The following DRAXIN variants were observed in gnomAD, a reference collection of about 807,000 sequenced individuals.
DRAXIN encodes the protein dorsal repulsive axon guidance protein.
Under a neutral mutation model 33.9 loss-of-function variants are expected in DRAXIN, and 27 were observed. That is an observed-to-expected ratio of 0.80 (90% CI 0.59 to 1.10). The LOEUF is 1.10. Among genes scored for constraint, DRAXIN ranks in the 50% least tolerant of loss-of-function variants. The pLI is 0.00. For synonymous variants in DRAXIN, 178 were observed against 194.0 expected, an observed-to-expected ratio of 0.92 and a Z score of 0.69; for missense variants, 371 against 460.8, an observed-to-expected ratio of 0.81 and a Z score of 1.78.
In DRAXIN at chr1:11,693,000, G is replaced by A. The variant is rs1641106556; in HGVS notation, c.-11+1147G>A. ...ACCTGGGATGGGGTGGGGACAGGGG[G>A]CTCCACAGAAATGGATCTCAAAGTC... On this transcript the variant is annotated intron_variant, in intron 1 of 6. Transcript: ENST00000294485. The surrounding 1 kb of genome is among the most constrained non-coding windows in gnomAD (Gnocchi z 5.8). Among the ~76,000 whole-genome samples the A allele has an allele frequency of 6.6e-6, 1 of 151,824 alleles. No individual in the cohort carries two copies. The highest frequency in any genetic ancestry group is 2.1e-4 in the South Asian group (1 of 4,824).
chr1:11,686,923 A>G (rs911612506), upstream of DRAXIN, among the ~76,000 whole-genome samples: 1 of 151,986 alleles, frequency 6.6e-6, no homozygotes, highest in Non-Finnish European at 1.5e-5. Context: ...AATGTTGTAC[A>G]TCGCTACTCT....
Position 11,709,422 on chromosome 1 carries a change from C to G in DRAXIN, c.599C>G (p.Thr200Arg), listed in dbSNP as rs1557691086. The change falls in exon 3 of 7, where the codon ACA becomes AGA. Residue 200 changes from threonine (T) to arginine (R), a missense_variant. Coordinates refer to ENST00000294485, the MANE Select transcript of DRAXIN (RefSeq NM_198545.4). The part of the protein sequence containing the change: ...FLTTFEAAPA[T>R]EESLILPVTS... The stretch of plus-strand genomic sequence containing the variant: ...ACCACCTTTGAGGCAGCACCTGCCA[C>G]AGAAGAGTCCCTGATCCTGCCCGTC... The G allele has an allele frequency of 6.2e-7, 1 of 1,614,074 alleles. No individual in the cohort carries two copies.
rs1641589257 is a variant in DRAXIN at position 11,717,110 on chromosome 1, C to T, written c.937+1902C>T. On this transcript the variant is annotated intron_variant, in intron 6 of 6. Transcript: ENST00000294485. ...CCAGCCTGGCCAACATGGTGAAACC[C>T]TGTCTCTACTAAAAATACAAAAATT... 2.0e-5 allele frequency among the ~76,000 whole-genome samples: 3 copies of T among 151,610 alleles called. No individual in the cohort carries two copies. In the South Asian group the frequency reaches 6.2e-4, roughly 32 times the overall value.
Position 11,719,817 on chromosome 1 carries a change from G to C in DRAXIN, c.*121G>C. The C allele has an allele frequency of 1.1e-6, 1 of 943,264 alleles. No homozygotes were observed. Among genetic ancestry groups the C allele is most frequent in the Admixed American group, 2.1e-5 (1 of 46,770 alleles). The allele number at this position is 943,264 out of a possible 1,614,324, so 58.4% of individuals were successfully genotyped here. On this transcript the variant is annotated 3_prime_UTR_variant, in exon 7 of 7. Transcript: ENST00000294485. ...GGCTGAGGCTGCAGACTCAGGCCCA[G>C]GACACTCAACCCCAGGAGGGGAGCC...
At chr1:11,712,099 A>G in intron 4 of DRAXIN, 134 bp downstream of exon 4, 2 of 930,932 alleles carry the variant, frequency 2.1e-6, no homozygotes, top group Admixed American at 4.2e-5. Flanking sequence ...GAGGGGGAGC[A>G]TGGAGCCTAA....
chr1:11,700,108 C>T lies in DRAXIN; in HGVS notation c.-10-6141C>T, dbSNP rs373683292. 2.3e-4 allele frequency among the ~76,000 whole-genome samples: 35 copies of T among 151,124 alleles called. 1 individual carries two copies. In the South Asian group the frequency reaches 6.5e-3, roughly 28 times the overall value. Reference sequence around the variant, plus strand: ...AAAAATTAGCTGGGCGTGGTGGCAGCGCCTGTAATCCCTCAGGAGACTGAG... The same window carrying T: ...AAAAATTAGCTGGGCGTGGTGGCAGTGCCTGTAATCCCTCAGGAGACTGAG... On this transcript the variant is annotated intron_variant, in intron 1 of 6. Coordinates refer to ENST00000294485, the MANE Select transcript of DRAXIN (RefSeq NM_198545.4).
rs4846031 is a variant in DRAXIN, at chr1:11,724,929, A to G, written c.*5233A>G. ...GACGGTTGCCTTTCCTGGGAAGGGC[A>G]GTTTGCAGAACCAGGGGTTTATATT... is the stretch of plus-strand genomic sequence containing the variant. On this transcript the variant is annotated 3_prime_UTR_variant, in exon 7 of 7. Transcript: ENST00000294485. The G allele has an allele frequency of 0.96, 145,661 of 152,318 alleles. 69,904 individuals carry two copies. The highest frequency in any genetic ancestry group is 0.99 in the Non-Finnish European group (67,655 of 68,084). The allele number at this position is 152,318 out of a possible 1,614,324, so 9.4% of individuals were successfully genotyped here.
chr1:11,710,694 C>T (rs1641473327), intron 3 of DRAXIN, among the ~76,000 whole-genome samples: 1 of 147,452 alleles, frequency 6.8e-6, no homozygotes, highest in African/African-American at 2.5e-5. Context: ...GCGGGCAGAT[C>T]ACAAGGTCAG....
intron 1 of DRAXIN, among the ~76,000 whole-genome samples, chr1:11,700,799 C>T (rs1641261032): frequency 6.6e-6 from 1 of 152,176 alleles, no homozygotes; most frequent in Non-Finnish European, 1.5e-5. Flanking sequence ...CCATGGGACC[C>T]GCCTTGGCCA....
At position 11,705,855 on chromosome 1, in the gene DRAXIN, G is replaced by C. The variant is rs1641369048; in HGVS notation, c.-10-394G>C. ...AGAGGCATATTTCTGAGCTCTGAGGGACTCGGTTCCCTCTAGGGGACTTGG... is the reference window on the plus strand; with the variant it reads ...AGAGGCATATTTCTGAGCTCTGAGGCACTCGGTTCCCTCTAGGGGACTTGG... On this transcript the variant is annotated intron_variant, in intron 1 of 6. Coordinates refer to ENST00000294485, the MANE Select transcript of DRAXIN (RefSeq NM_198545.4). The surrounding 1 kb of genome is among the most constrained non-coding windows in gnomAD (Gnocchi z 4.8). 6.6e-6 allele frequency among the ~76,000 whole-genome samples: 1 copy of C among 152,190 alleles called. No homozygotes were observed. Among genetic ancestry groups the C allele is most frequent in the Non-Finnish European group, 1.5e-5 (1 of 68,030 alleles).
At chr1:11,711,087 T>A (rs1164336950) in intron 3 of DRAXIN, among the ~76,000 whole-genome samples, 1 of 151,420 alleles carries the variant, frequency 6.6e-6, no homozygotes, top group Non-Finnish European at 1.5e-5. Flanking sequence ...AGGTCAGGAG[T>A]TCGAGACCAG....
chr1:11,719,633 G>A lies in DRAXIN; in HGVS notation c.987G>A (p.Arg329=). The A allele has an allele frequency of 1.2e-6, 2 of 1,614,128 alleles. No homozygotes were observed. The highest frequency in any genetic ancestry group is 1.7e-6 in the Non-Finnish European group (2 of 1,180,014). ...KFHRNRRVTR[R]KGRCVEPETA... ...ACCGGAACCGCAGGGTTACACGGAG[G>A]AAAGGGCGCTGTGTGGAGCCCGAGA... The change falls in exon 7 of 7, where the codon AGG becomes AGA. Residue 329 remains arginine (R), a synonymous_variant. Coordinates refer to ENST00000294485, the MANE Select transcript of DRAXIN (RefSeq NM_198545.4).
chr1:11,687,805 T>C (rs1282739232), upstream of DRAXIN, among the ~76,000 whole-genome samples: 1 of 152,248 alleles, frequency 6.6e-6, no homozygotes, highest in Non-Finnish European at 1.5e-5. The surrounding 1 kb of genome is among the most constrained non-coding windows in gnomAD (Gnocchi z 4.1). Context: ...TGATACTTCA[T>C]TCCTTCGTAG....
Position 11,719,920 on chromosome 1 carries a change from C to T in DRAXIN, c.*224C>T, listed in dbSNP as rs954110347. On this transcript the variant is annotated 3_prime_UTR_variant, in exon 7 of 7. Transcript: ENST00000294485. ...CACACGAAGTCCGGACCCACGCAGCCTCCATCCCGCGTGTCTTGCTCTCCG... is the reference window on the plus strand; with the variant it reads ...CACACGAAGTCCGGACCCACGCAGCTTCCATCCCGCGTGTCTTGCTCTCCG... 8 of 527,604 alleles carry T rather than the reference C, an allele frequency of 1.5e-5. No individual in the cohort carries two copies. Among genetic ancestry groups the T allele is most frequent in the Non-Finnish European group, 2.4e-5 (7 of 288,246 alleles). 32.7% of individuals were successfully genotyped at this position (527,604 alleles called of 1,614,324 possible).
In DRAXIN at chr1:11,709,450, C is replaced by T. The variant is rs1478443918; in HGVS notation, c.627C>T (p.Thr209=). The change falls in exon 3 of 7, where the codon ACC becomes ACT. Residue 209 remains threonine, a synonymous_variant. Coordinates refer to ENST00000294485, the MANE Select transcript of DRAXIN (RefSeq NM_198545.4). ...AAGAGTCCCTGATCCTGCCCGTCAC[C>T]TCCCTGCGGCCCCAGGTAAGGGGTC... is the stretch of plus-strand genomic sequence containing the variant. The part of the protein sequence containing the change: ...ATEESLILPV[T]SLRPQQAQPR... The T allele has an allele frequency of 6.2e-7, 1 of 1,613,348 alleles. No individual in the cohort carries two copies. Among genetic ancestry groups the T allele is most frequent in the African/African-American group, 1.3e-5 (1 of 74,920 alleles).
intron 3 of DRAXIN, among the ~76,000 whole-genome samples, chr1:11,710,713 G>A (rs1641475280): frequency 6.9e-6 from 1 of 144,262 alleles, no homozygotes; most frequent in African/African-American, 2.6e-5. Flanking sequence ...AGGAAATCGA[G>A]ACCATCCTGG....
intron 6 of DRAXIN, among the ~76,000 whole-genome samples, chr1:11,717,021 A>G (rs1405755615): frequency 6.6e-6 from 1 of 152,226 alleles, no homozygotes; most frequent in African/African-American, 2.4e-5. Context: ...ATGGTGGCTC[A>G]TGCCTGTAAT....
In DRAXIN at chr1:11,720,419, C is replaced by T. The variant is rs1050306085; in HGVS notation, c.*723C>T. 6.6e-6 allele frequency: 1 copy of T among 152,174 alleles called. No homozygotes were observed. The highest frequency in any genetic ancestry group is 1.5e-5 in the Non-Finnish European group (1 of 68,070). 9.4% of individuals were successfully genotyped at this position (152,174 alleles called of 1,614,324 possible). ...ACCAGCCTGGCCAACATGGGGAAAC[C>T]CCGTCTCTATTAAAAATACAAAAAT... On this transcript the variant is annotated 3_prime_UTR_variant, in exon 7 of 7. Coordinates refer to ENST00000294485, the MANE Select transcript of DRAXIN (RefSeq NM_198545.4).
rs201413998 is a variant in DRAXIN at position 11,719,551 on chromosome 1, C to A, written c.938-33C>A. The A allele has an allele frequency of 1.9e-6, 3 of 1,568,602 alleles. No individual in the cohort carries two copies. The South Asian group carries it at 3.4e-5, about 18-fold the overall frequency. ...GGAAGGGGAGGGCACGGGCCCTTCG[C>A]GCCTCTGACCCCCCTTGCCTCCACT... On this transcript the variant is annotated intron_variant, in intron 6 of 6. Coordinates refer to ENST00000294485, the MANE Select transcript of DRAXIN (RefSeq NM_198545.4).
Sources: allele counts gnomAD v4.1 joint callset (sites outside exome capture counted in the v4.1 genomes callset), GRCh38; gene constraint gnomAD v4.1.1; non-coding constraint Gnocchi (gnomAD v3.1); transcripts MANE v1.5; gene names NCBI Gene and HGNC (gene_info 2026-07-23, HGNC 2026-07-21).